Variants in GINM1 observed in about 807,000 individuals in gnomAD.
The protein encoded by GINM1 is glycosylated integral membrane protein 1, also known as glycoprotein integral membrane protein 1.
In GINM1, 29 loss-of-function variants were observed where a neutral mutation model predicts 37.8. That is an observed-to-expected ratio of 0.77 (90% CI 0.57 to 1.05). GINM1 has a LOEUF of 1.05. GINM1 is among the 50% of genes least tolerant of loss of function. GINM1 has a pLI of 0.00. For synonymous variants in GINM1, 143 were observed against 146.2 expected (o/e 0.98, Z 0.16); for missense variants, 377 against 397.9 (o/e 0.95, Z 0.45).
chr6:149,569,617 C>T (rs1257497302), intron 1 of GINM1, among the ~76,000 whole-genome samples: 1 of 152,148 alleles, frequency 6.6e-6, no homozygotes, highest in Non-Finnish European at 1.5e-5. Flanking sequence ...GGATTACAGG[C>T]ATGAGCCACC....
intron 7 of GINM1, among the ~76,000 whole-genome samples, chr6:149,583,583 C>T (rs1439598539): frequency 1.3e-5 from 2 of 150,360 alleles, no homozygotes; most frequent in African/African-American, 4.9e-5. Flanking sequence ...GAGCCGAGAT[C>T]GCGCCATTGC....
At chr6:149,588,528 A>T (rs1778107299) in intron 7 of GINM1, among the ~76,000 whole-genome samples, 1 of 152,222 alleles carries the variant, frequency 6.6e-6, no homozygotes, top group South Asian at 2.1e-4. Context: ...TCAAGGCCTA[A>T]GTAATTCATG....
intron 1 of GINM1, among the ~76,000 whole-genome samples, chr6:149,568,256 A>G (rs1381344434): frequency 1.3e-5 from 2 of 152,274 alleles, no homozygotes; most frequent in African/African-American, 4.8e-5. Flanking sequence ...TCTCAACAAC[A>G]AAAAGTTTCA....
chr6:149,572,589 G>C lies in GINM1; in HGVS notation c.263G>C (p.Cys88Ser). The change falls in exon 3 of 8, where the codon TGT becomes TCT. Residue 88 changes from cysteine to serine, a missense_variant. Physicochemically the swap from Cys to Ser is moderately radical, Grantham distance 112 (BLOSUM62 -1). Coordinates refer to ENST00000367419, the MANE Select transcript of GINM1 (RefSeq NM_138785.5). ...PVNSGVTRIS[C>S]QTLIVKNENL... ...AATAGTGGTGTAACCCGAATAAGCT[G>C]TCAGACTTTGATAGGTGAGTATTAC... 6.3e-7 allele frequency: 1 copy of C among 1,576,814 alleles called. No individual in the cohort carries two copies. Among genetic ancestry groups the C allele is most frequent in the African/African-American group, 1.3e-5 (1 of 74,206 alleles).
rs774501814 is a variant in GINM1, at chr6:149,566,442, G to T, written c.28G>T (p.Ala10Ser). ...GGAGGGCGCTCCACCGGGGTCGCTC[G>T]CCCTCCGGCTCCTGCTGTTCGTGGC... MEGAPPGSL[A>S]LRLLLFVALP... Residue 10 changes from alanine to serine, a missense_variant, in exon 1 of 8, where the codon GCC (alanine) becomes TCC (serine). Physicochemically the swap from Ala to Ser is moderately conservative, Grantham distance 99. Transcript: ENST00000367419. This position sits in a 1 kb window ranked among gnomAD's most constrained non-coding sequence, Gnocchi z 4.4. 2 of 1,571,838 alleles carry T rather than the reference G, an allele frequency of 1.3e-6. No individual in the cohort carries two copies. The highest frequency in any genetic ancestry group is 2.2e-4 in the Middle Eastern group (1 of 4,474).
chr6:149,585,710 A>C (rs1225025159), intron 7 of GINM1, among the ~76,000 whole-genome samples: 1 of 151,916 alleles, frequency 6.6e-6, no homozygotes, highest in African/African-American at 2.4e-5. Context: ...CTCCTGCCTC[A>C]GCCTCCCGAG....
rs1778141715 is a variant in GINM1, at chr6:149,590,741, TGG to T, written c.897_898del (p.Asp300Ter). On this transcript the variant is annotated frameshift_variant, in exon 8 of 8. Transcript: ENST00000367419. LOFTEE classifies it high-confidence loss of function. ...TTCTATTTCAGAGGAATTCTTCAGT[TGG>T]ATAAAGTGGACGTCATACCTGTGAC... is the stretch of plus-strand genomic sequence containing the variant. 6.4e-7 allele frequency: 1 copy of T among 1,552,098 alleles called. No individual in the cohort carries two copies. Among genetic ancestry groups the T allele is most frequent in the Non-Finnish European group, 8.9e-7 (1 of 1,127,040 alleles).
chr6:149,572,718 A>G (rs1376211352), intron 3 of GINM1, 115 bp downstream of exon 3: 7 of 702,836 alleles, frequency 1.0e-5, no homozygotes, highest in African/African-American at 7.2e-5. Context: ...CTGGAGTGCA[A>G]TGGTGCGATC....
At chr6:149,573,781 C>T (rs936151203) in intron 3 of GINM1, among the ~76,000 whole-genome samples, 10 of 150,834 alleles carry the variant, frequency 6.6e-5, no homozygotes, top group East Asian at 5.9e-4. Context: ...GTGGGAGGAT[C>T]GCCACTGTAC....
intron 7 of GINM1, among the ~76,000 whole-genome samples, chr6:149,587,794 C>G (rs958510656): frequency 6.6e-6 from 1 of 152,154 alleles, no homozygotes; most frequent in African/African-American, 2.4e-5. Context: ...ACCTTCAGTA[C>G]CCCGTTCCCT....
chr6:149,590,639 A>G (rs758479534), intron 7 of GINM1, 88 bp from the exon 8 acceptor site: 50 of 689,526 alleles, frequency 7.3e-5, no homozygotes, highest in Non-Finnish European at 1.2e-4. Context: ...GGTGTATATT[A>G]TAACCTTGAA....
chr6:149,570,444 G>A (rs1024989424), intron 1 of GINM1, among the ~76,000 whole-genome samples: 4 of 151,926 alleles, frequency 2.6e-5, no homozygotes, highest in African/African-American at 4.8e-5. Context: ...GGTTCTAACC[G>A]TCTAGATCAA....
chr6:149,578,473 C>T (rs1777948211), intron 3 of GINM1, among the ~76,000 whole-genome samples: 1 of 147,346 alleles, frequency 6.8e-6, no homozygotes, highest in Non-Finnish European at 1.5e-5. Context: ...TTGCAGTGAG[C>T]CAAGGTGGCA....
intron 3 of GINM1, chr6:149,577,222 G>A (rs1254087959): frequency 6.6e-6 from 1 of 152,214 alleles, no homozygotes; most frequent in African/African-American, 2.4e-5. Flanking sequence ...GTATTTTTAT[G>A]ACTGCATTTT....
chr6:149,583,030 A>C (rs1237988765), intron 7 of GINM1, among the ~76,000 whole-genome samples: 1 of 152,158 alleles, frequency 6.6e-6, no homozygotes, highest in Non-Finnish European at 1.5e-5. Context: ...TTTGTAATAG[A>C]AAATAAAAGC....
chr6:149,586,011 A>C (rs963520436), intron 7 of GINM1, among the ~76,000 whole-genome samples: 3 of 152,182 alleles, frequency 2.0e-5, no homozygotes, highest in Admixed American at 1.3e-4. Flanking sequence ...TTTCTTGTTC[A>C]GTGTTAGTTT....
At chr6:149,567,580 G>A (rs546186691) in intron 1 of GINM1, among the ~76,000 whole-genome samples, 6 of 152,292 alleles carry the variant, frequency 3.9e-5, no homozygotes, top group Admixed American at 1.3e-4. Flanking sequence ...GGCAGAGGTT[G>A]CAGTGAGCCG....
chr6:149,567,711 A>C (rs1048073432), intron 1 of GINM1, among the ~76,000 whole-genome samples: 3 of 152,200 alleles, frequency 2.0e-5, no homozygotes, highest in Admixed American at 2.0e-4. Context: ...GGGTACAAAA[A>C]TGATGAGCAT....
rs369705700 is a variant in GINM1, at chr6:149,582,415, T to C, written c.718-25T>C. 32 of 1,586,786 alleles carry C rather than the reference T, an allele frequency of 2.0e-5. No homozygotes were observed. In the African/African-American group the frequency reaches 3.9e-4, roughly 20 times the overall value. On this transcript the variant is annotated intron_variant, in intron 6 of 7. Transcript: ENST00000367419. ...TTCTTAGAGATTGATGCAACTTGCA[T>C]ATCTAATCGAAATTCCTTTTTCAGG...
Sources: allele counts gnomAD v4.1 joint callset (sites outside exome capture counted in the v4.1 genomes callset), GRCh38; gene constraint gnomAD v4.1.1; non-coding constraint Gnocchi (gnomAD v3.1); transcripts MANE v1.5; gene names NCBI Gene and HGNC (gene_info 2026-07-23, HGNC 2026-07-21).